Variants in LPCAT3 observed in about 807,000 individuals in gnomAD.
LPCAT3 encodes the protein lysophospholipid acyltransferase 5.
A neutral mutation model predicts 63.4 loss-of-function variants in LPCAT3; 21 were observed. That is an observed-to-expected ratio of 0.33 (90% CI 0.23 to 0.48). The LOEUF (loss-of-function observed/expected upper bound fraction) is 0.48, where lower values mean the gene tolerates loss of function less well. Among genes scored for constraint, LPCAT3 ranks in the 20% least tolerant of loss-of-function variants. The pLI is 0.99. For synonymous variants in LPCAT3, 242 were observed against 227.5 expected (o/e 1.06, Z -0.58); for missense variants, 451 against 590.6 (o/e 0.76, Z 2.45).
In LPCAT3 at chr12:6,978,394, G is replaced by T. The variant is rs1440412491; in HGVS notation, c.987C>A (p.Arg329=). The T allele has an allele frequency of 1.2e-6, 2 of 1,613,854 alleles. No individual in the cohort carries two copies. The highest frequency in any genetic ancestry group is 4.5e-5 in the East Asian group (2 of 44,896). The change falls in exon 9 of 13, where the codon CGC becomes CGA. Residue 329 remains arginine (R), a synonymous_variant. Coordinates refer to ENST00000261407, the MANE Select transcript of LPCAT3 (RefSeq NM_005768.6). The stretch of plus-strand genomic sequence containing the variant: ...TGAATGAGGCAATGGTGCCAGTGAA[G>T]CGGGGGTTTGTTTCAAAGAGCCACA... ...MKVWLFETNP[R]FTGTIASFNI...
At chr12:7,006,346 G>T (rs1282659741) in intron 1 of LPCAT3, among the ~76,000 whole-genome samples, 1 of 152,220 alleles carries the variant, frequency 6.6e-6, no homozygotes, top group Non-Finnish European at 1.5e-5. Flanking sequence ...AGCCTCCTGA[G>T]TAGCTGGGAT....
At position 7,018,203 on chromosome 12, in the gene LPCAT3, G is replaced by A; in HGVS notation, c.151+71C>T. The A allele has an allele frequency of 2.0e-6, 3 of 1,537,698 alleles. No homozygotes were observed. Among genetic ancestry groups the A allele is most frequent in the Non-Finnish European group, 2.6e-6 (3 of 1,134,850 alleles). ...CGGGTGGCTCCGGGAAGAGAGGGAG[G>A]TCCTGTCCCCATTCCTCCCCTACTC... On this transcript the variant is annotated intron_variant, in intron 1 of 12. Transcript: ENST00000261407. This position sits in a 1 kb window ranked among gnomAD's most constrained non-coding sequence, Gnocchi z 4.9.
Position 6,981,100 on chromosome 12 carries a change from T to A in LPCAT3, c.581A>T (p.Tyr194Phe). 2.5e-6 allele frequency: 4 copies of A among 1,613,954 alleles called. No homozygotes were observed. The highest frequency in any genetic ancestry group is 3.4e-6 in the Non-Finnish European group (4 of 1,179,888). Residue 194 changes from tyrosine to phenylalanine, a missense_variant, in exon 6 of 13, where the codon TAT (tyrosine) becomes TTT (phenylalanine). Transcript: ENST00000261407. ...CTGGGGCCCTACCAAGAAGGCCCCA[T>A]AGAAGTAGGAGAAACCAGCAACTTC... ...LLEVAGFSYFYGAFLVGPQFS... is the reference protein window; with the variant it reads ...LLEVAGFSYFFGAFLVGPQFS...
chr12:6,978,717 G>T, intron 7 of LPCAT3, 28 bp from the exon 8 acceptor site: 1 of 1,612,748 alleles, frequency 6.2e-7, no homozygotes, highest in South Asian at 1.1e-5. Flanking sequence ...CAGTGCATTA[G>T]GGATATCACA....
intron 1 of LPCAT3, among the ~76,000 whole-genome samples, chr12:6,992,350 C>T (rs1946597632): frequency 6.6e-6 from 1 of 151,728 alleles, no homozygotes; most frequent in Non-Finnish European, 1.5e-5. Flanking sequence ...AAAAAATTTA[C>T]CACTTCATCA....
intron 1 of LPCAT3, among the ~76,000 whole-genome samples, chr12:7,001,247 G>C (rs1946685132): frequency 6.6e-6 from 1 of 152,020 alleles, no homozygotes; most frequent in South Asian, 2.1e-4. Flanking sequence ...CTGGGGGGTG[G>C]GGTGGGGGCG....
In LPCAT3 at chr12:6,977,540, G is replaced by A. The variant is rs782685832; in HGVS notation, c.1189-15C>T. The stretch of plus-strand genomic sequence containing the variant: ...AGCCTGGCAGCCTGGGGAGGGAGGA[G>A]GAGCTCATCAGCATCTTGTCCCTTA... On this transcript the variant is annotated splice_polypyrimidine_tract_variant and intron_variant, in intron 10 of 12. Transcript: ENST00000261407. This position sits in a 1 kb window ranked among gnomAD's most constrained non-coding sequence, Gnocchi z 4.5. 21 of 1,614,034 alleles carry A rather than the reference G, an allele frequency of 1.3e-5. No individual in the cohort carries two copies. The highest frequency in any genetic ancestry group is 1.6e-5 in the Non-Finnish European group (19 of 1,180,030).
intron 1 of LPCAT3, among the ~76,000 whole-genome samples, chr12:7,012,143 A>G (rs1946767770): frequency 6.6e-6 from 1 of 152,190 alleles, no homozygotes; most frequent in Non-Finnish European, 1.5e-5. Context: ...CAGCCAAGCC[A>G]CCATCATGGC....
At chr12:7,013,317 C>A (rs1398638371) in intron 1 of LPCAT3, among the ~76,000 whole-genome samples, 1 of 152,152 alleles carries the variant, frequency 6.6e-6, no homozygotes, top group African/African-American at 2.4e-5. Context: ...GAGGCTGGGG[C>A]AGCAGGCAGG....
intron 1 of LPCAT3, 94 bp from the exon 2 acceptor site, chr12:6,983,633 G>A (rs1316878521): frequency 1.3e-6 from 1 of 749,956 alleles, no homozygotes; most frequent in African/African-American, 1.8e-5. Context: ...GCAGCCCAGA[G>A]GGAGAGAGAA....
At chr12:6,984,318 G>C (rs1392891117) in intron 1 of LPCAT3, among the ~76,000 whole-genome samples, 5 of 152,210 alleles carry the variant, frequency 3.3e-5, no homozygotes, top group African/African-American at 1.2e-4. Flanking sequence ...ATTATACATG[G>C]CCAAGGGTTG....
intron 4 of LPCAT3, 73 bp downstream of exon 4, chr12:6,981,738 G>GGT: frequency 7.5e-7 from 1 of 1,337,714 alleles, no homozygotes; most frequent in Non-Finnish European, 1.1e-6. Flanking sequence ...CGGAGGGGGG[G>GGT]TGCCGAGGAA....
chr12:7,008,882 TAAC>T (rs1414201937), intron 1 of LPCAT3, among the ~76,000 whole-genome samples: 2 of 152,180 alleles, frequency 1.3e-5, no homozygotes, highest in Non-Finnish European at 2.9e-5. Flanking sequence ...GTGAACATAA[TAAC>T]AACAACATCT....
At chr12:6,997,376 A>C (rs1946645653) in intron 1 of LPCAT3, 1 of 88,732 alleles carries the variant, frequency 1.1e-5, no homozygotes, top group African/African-American at 4.6e-5. Flanking sequence ...ACAACAGCAA[A>C]TTATGTGTGT....
intron 7 of LPCAT3, 134 bp downstream of exon 7, chr12:6,979,337 T>C: frequency 1.5e-6 from 1 of 682,862 alleles, no homozygotes; most frequent in Non-Finnish European, 2.5e-6. Context: ...CATTGACAAC[T>C]CACAGATCTA....
In LPCAT3 at chr12:6,977,296, C is replaced by G; in HGVS notation, c.1348-34G>C. 6.2e-7 allele frequency: 1 copy of G among 1,611,562 alleles called. No individual in the cohort carries two copies. Among genetic ancestry groups the G allele is most frequent in the Middle Eastern group, 1.6e-4 (1 of 6,062 alleles). On this transcript the variant is annotated intron_variant, in intron 11 of 12. Transcript: ENST00000261407. This position sits in a 1 kb window ranked among gnomAD's most constrained non-coding sequence, Gnocchi z 4.5. ...AGAGAGGCCACTAAGGTAGACAGGC[C>G]TGGAGTGTCCTTTGCAACCTTTGAG...
chr12:6,976,927 T>TA, intron 12 of LPCAT3, 36 bp from the exon 13 acceptor site: 1 of 519,882 alleles, frequency 1.9e-6, no homozygotes, highest in South Asian at 2.3e-5. Flanking sequence ...GCTGGTTAGT[T>TA]ACTCCTGTAA....
chr12:7,009,229 T>C lies in LPCAT3; in HGVS notation c.151+9045A>G, dbSNP rs145418996. On this transcript the variant is annotated intron_variant, in intron 1 of 12. Transcript: ENST00000261407. ...GGCATGTGCCACCATGCCCAGCTAA[T>C]TTTTATCTTTTTAATAGAAATGGGT... Among the ~76,000 whole-genome samples the C allele has an allele frequency of 2.3e-3, 349 of 152,322 alleles. 2 individuals carry two copies. The highest frequency in any genetic ancestry group is 7.5e-3 in the African/African-American group (310 of 41,572).
Position 6,978,659 on chromosome 12 carries a change from T to C in LPCAT3, c.817A>G (p.Met273Val), listed in dbSNP as rs1555153647. 2 of 1,614,186 alleles carry C rather than the reference T, an allele frequency of 1.2e-6. No individual in the cohort carries two copies. Among genetic ancestry groups the C allele is most frequent in the Admixed American group, 1.7e-5 (1 of 60,018 alleles). Residue 273 changes from methionine to valine, a missense_variant, in exon 8 of 13, where the codon ATG becomes GTG. Physicochemically the swap from Met to Val is conservative, Grantham distance 21 (BLOSUM62 1). Coordinates refer to ENST00000261407, the MANE Select transcript of LPCAT3 (RefSeq NM_005768.6). ...AGCACAAACTTGCCCCAGATCAGCA[T>C]GTACATGCAGCGGAACCAGAAGGGG... ...NHPFWFRCMYMLIWGKFVLYK... is the reference protein window; with the variant it reads ...NHPFWFRCMYVLIWGKFVLYK...
Sources: allele counts gnomAD v4.1 joint callset (sites outside exome capture counted in the v4.1 genomes callset), GRCh38; gene constraint gnomAD v4.1.1; non-coding constraint Gnocchi (gnomAD v3.1); transcripts MANE v1.5; gene names NCBI Gene and HGNC (gene_info 2026-07-23, HGNC 2026-07-21).